CDH4: variants seen among roughly 807,000 people sequenced by gnomAD.
The protein encoded by CDH4 is cadherin-4.
CDH4 carries 33 observed loss-of-function variants against 86.0 expected under a neutral mutation model. That is an observed-to-expected ratio of 0.38 (90% CI 0.29 to 0.51). The LOEUF (loss-of-function observed/expected upper bound fraction) is 0.51, where lower values mean the gene tolerates loss of function less well. CDH4 is among the 20% of genes least tolerant of loss of function. The probability of loss-of-function intolerance (pLI) is 0.86; values close to 1 mark genes in which losing one functional copy is unlikely to be tolerated. For missense variants in CDH4, 1,114 were observed against 1,307.4 expected (o/e 0.85, Z 2.28); for synonymous variants, 555 against 549.4 (o/e 1.01, Z -0.14).
intron 2 of CDH4, among the ~76,000 whole-genome samples, chr20:61,725,810 A>T (rs1401294280): frequency 6.6e-6 from 1 of 152,116 alleles, no homozygotes; most frequent in East Asian, 1.9e-4. Context: ...GCCTCTCAGG[A>T]CAGCAAAGAG....
intron 2 of CDH4, among the ~76,000 whole-genome samples, chr20:61,586,048 GGATGATGGTGATGGTGGTGATGGGGAA>G (rs2086471184): frequency 6.8e-6 from 1 of 147,588 alleles, no homozygotes; most frequent in African/African-American, 2.5e-5. Context: ...GTGATGAGGA[GGATGATGGTGATGGTGGTGATGGGGAA>G]GATGATGGTG....
chr20:61,598,344 C>A (rs1488074435), intron 2 of CDH4, among the ~76,000 whole-genome samples: 1 of 149,076 alleles, frequency 6.7e-6, no homozygotes, highest in Non-Finnish European at 1.5e-5. Flanking sequence ...GGGACCCCAC[C>A]CCCCCGGCCA....
At chr20:61,634,382 A>C (rs2086925694) in intron 2 of CDH4, among the ~76,000 whole-genome samples, 1 of 152,190 alleles carries the variant, frequency 6.6e-6, no homozygotes, top group African/African-American at 2.4e-5. Flanking sequence ...GTAGGTGCCT[A>C]ACACCACGAC....
At chr20:61,301,234 G>A (rs1490539237) in intron 2 of CDH4, among the ~76,000 whole-genome samples, 1 of 152,248 alleles carries the variant, frequency 6.6e-6, no homozygotes, top group Non-Finnish European at 1.5e-5. Context: ...TCTCCACAAT[G>A]GATGCGGTAA....
At chr20:61,863,937 T>A (rs1472439869) in intron 6 of CDH4, among the ~76,000 whole-genome samples, 1 of 83,618 alleles carries the variant, frequency 1.2e-5, no homozygotes, top group Non-Finnish European at 2.8e-5. Context: ...AGCTTCAGCT[T>A]AGCCCTTGGG....
chr20:61,782,574 A>C (rs948004198), intron 4 of CDH4, among the ~76,000 whole-genome samples: 1 of 152,226 alleles, frequency 6.6e-6, no homozygotes, highest in African/African-American at 2.4e-5. Context: ...GCATTGTATT[A>C]GGGAGTTTAT....
chr20:61,277,399 G>A (rs992733248), intron 2 of CDH4, among the ~76,000 whole-genome samples: 6 of 152,144 alleles, frequency 3.9e-5, no homozygotes, highest in African/African-American at 1.4e-4. Context: ...GTGTTAGATA[G>A]CAGCGAGAGA....
chr20:61,563,236 C>T (rs551977856), intron 2 of CDH4, among the ~76,000 whole-genome samples: 4 of 152,332 alleles, frequency 2.6e-5, no homozygotes, highest in Non-Finnish European at 5.9e-5. Flanking sequence ...GTCCCCTTGC[C>T]GGCTCCAGGA....
At chr20:61,263,055 C>T (rs909819147) in intron 2 of CDH4, among the ~76,000 whole-genome samples, 1 of 151,948 alleles carries the variant, frequency 6.6e-6, no homozygotes, top group Non-Finnish European at 1.5e-5. Context: ...ATTTCTCCTC[C>T]AAGTGAATTC....
In CDH4 at chr20:61,517,034, G is replaced by A. The variant is rs1407656119; in HGVS notation, c.170-226529G>A. ...CAGACAGCTCTGCACAGACTGCAGAGCCCAGTGTGGCCAGCACCCAGCTTG... is the reference window on the plus strand; with the variant it reads ...CAGACAGCTCTGCACAGACTGCAGAACCCAGTGTGGCCAGCACCCAGCTTG... On this transcript the variant is annotated intron_variant, in intron 2 of 15. Coordinates refer to ENST00000614565, the MANE Select transcript of CDH4 (RefSeq NM_001794.5). The surrounding 1 kb of genome is among the most constrained non-coding windows in gnomAD (Gnocchi z 6.6). 6.6e-6 allele frequency among the ~76,000 whole-genome samples: 1 copy of A among 152,188 alleles called. No homozygotes were observed. The highest frequency in any genetic ancestry group is 1.9e-4 in the East Asian group (1 of 5,192).
Position 61,427,030 on chromosome 20 carries a change from A to G in CDH4, c.169+172093A>G, listed in dbSNP as rs112617387. Reference sequence around the variant, plus strand: ...CATTTATGACTGAAGTGAGAGTTGTATGTACAACAGCAGCTCCAAGACTAA... The same window carrying G: ...CATTTATGACTGAAGTGAGAGTTGTGTGTACAACAGCAGCTCCAAGACTAA... On this transcript the variant is annotated intron_variant, in intron 2 of 15. Transcript: ENST00000614565. Among the ~76,000 whole-genome samples, 411 of 152,330 alleles carry G rather than the reference A, an allele frequency of 2.7e-3. 1 individual carries two copies. The highest frequency in any genetic ancestry group is 0.014 in the Middle Eastern group (4 of 294).
chr20:61,604,113 G>A (rs2086624347), intron 2 of CDH4, among the ~76,000 whole-genome samples: 1 of 152,182 alleles, frequency 6.6e-6, no homozygotes, highest in South Asian at 2.1e-4. Flanking sequence ...TTTAGATGCT[G>A]TTAACTCCCA....
intron 2 of CDH4, among the ~76,000 whole-genome samples, chr20:61,318,460 C>A (rs1053320205): frequency 2.6e-5 from 4 of 152,158 alleles, no homozygotes; most frequent in African/African-American, 9.7e-5. Context: ...TCCTTTACCC[C>A]TTGCCTCATC....
intron 2 of CDH4, among the ~76,000 whole-genome samples, chr20:61,258,389 G>A (rs941726054): frequency 2.1e-5 from 3 of 145,868 alleles, no homozygotes; most frequent in Admixed American, 6.9e-5. Flanking sequence ...ATGACTTAAC[G>A]TGACGTCCTC....
At chr20:61,790,634 T>C (rs1439944631) in intron 4 of CDH4, among the ~76,000 whole-genome samples, 10 of 117,728 alleles carry the variant, frequency 8.5e-5, no homozygotes, top group East Asian at 2.7e-4. Flanking sequence ...TCCATTCATC[T>C]CTCCATCCAT....
intron 2 of CDH4, among the ~76,000 whole-genome samples, chr20:61,616,978 A>C (rs2086730201): frequency 6.6e-6 from 1 of 152,140 alleles, no homozygotes; most frequent in Non-Finnish European, 1.5e-5. Flanking sequence ...AAGGTGTCTC[A>C]GTGGAAAACA....
intron 2 of CDH4, among the ~76,000 whole-genome samples, chr20:61,698,553 G>T (rs1054687505): frequency 6.6e-6 from 1 of 152,268 alleles, no homozygotes. Flanking sequence ...AGCAGCAAAG[G>T]CCTCTCCCAG....
intron 2 of CDH4, among the ~76,000 whole-genome samples, chr20:61,633,475 A>T (rs1040806934): frequency 4.6e-5 from 7 of 151,342 alleles, no homozygotes; most frequent in African/African-American, 1.7e-4. Context: ...TCACCCATTC[A>T]TCCTATCCAT....
At chr20:61,413,466 G>C (rs1023678847) in intron 2 of CDH4, among the ~76,000 whole-genome samples, 1 of 152,156 alleles carries the variant, frequency 6.6e-6, no homozygotes, top group East Asian at 1.9e-4. Flanking sequence ...ACCTGAGTCT[G>C]TAACAAGCCC....
Sources: allele counts gnomAD v4.1 joint callset (sites outside exome capture counted in the v4.1 genomes callset), GRCh38; gene constraint gnomAD v4.1.1; non-coding constraint Gnocchi (gnomAD v3.1); transcripts MANE v1.5; gene names NCBI Gene and HGNC (gene_info 2026-07-23, HGNC 2026-07-21).